The following SRGAP2B variants were observed in gnomAD, a reference collection of about 807,000 sequenced individuals.
SRGAP2B encodes SLIT-ROBO Rho GTPase-activating protein 2B.
SRGAP2B carries 9 observed loss-of-function variants against 22.2 expected under a neutral mutation model. The ratio of observed to expected loss-of-function variants is 0.41; its 90% confidence interval spans 0.24 to 0.71. The LOEUF (loss-of-function observed/expected upper bound fraction) is 0.71. Ranked by LOEUF, SRGAP2B falls within the 30% of genes least tolerant of loss-of-function variation. The pLI is 0.35. For missense variants in SRGAP2B, 114 were observed against 235.8 expected (o/e 0.48, Z 3.38); for synonymous variants, 36 against 87.4 (o/e 0.41, Z 3.28).
At chr1:144,905,715 C>A (rs1456124865) in intron 6 of SRGAP2B, 144 bp downstream of exon 6, 3 of 649,470 alleles carry the variant, frequency 4.6e-6, no homozygotes, top group Non-Finnish European at 8.3e-6. Flanking sequence ...GGGCACAGAG[C>A]AAGGCCTCAT....
intron 5 of SRGAP2B, among the ~76,000 whole-genome samples, chr1:144,914,106 G>A (rs1663634430): frequency 6.6e-6 from 1 of 151,190 alleles, no homozygotes; most frequent in Admixed American, 6.6e-5. Context: ...AGAACAGATT[G>A]TGTTCTCTTC....
At chr1:145,044,650 TAAAAAAAAAAAAAAAAAAAAAAAAAA>T (rs1184404731) in intron 2 of SRGAP2B, among the ~76,000 whole-genome samples, 820 of 30,320 alleles carry the variant, frequency 0.027, 1 homozygote, top group African/African-American at 0.039. Context: ...AACCCCCTCC[TAAAAAAAAAAAAAAAAAAAAAAAAAA>T]AAAAAAAAAA....
chr1:145,023,530 CAACACGACTAAATTTGG>C (rs1553624474), intron 2 of SRGAP2B, among the ~76,000 whole-genome samples: 2 of 135,676 alleles, frequency 1.5e-5, no homozygotes, highest in African/African-American at 5.3e-5. Flanking sequence ...GTCTGATTTC[CAACACGACTAAATTTGG>C]AACAATGGAA....
At chr1:144,970,090 G>C (rs587736148) in intron 3 of SRGAP2B, among the ~76,000 whole-genome samples, 1 of 148,116 alleles carries the variant, frequency 6.8e-6, no homozygotes, top group Admixed American at 6.7e-5. Context: ...TCAGTGTGGC[G>C]ATTCCTCAGG....
chr1:144,998,481 A>G (rs1253233025), intron 2 of SRGAP2B, among the ~76,000 whole-genome samples: 4 of 144,786 alleles, frequency 2.8e-5, no homozygotes, highest in Non-Finnish European at 6.0e-5. Context: ...CTGTTAATAG[A>G]TACCACCTGC....
At chr1:144,988,733 A>G (rs1553616458) in intron 3 of SRGAP2B, among the ~76,000 whole-genome samples, 2 of 149,974 alleles carry the variant, frequency 1.3e-5, no homozygotes, top group Admixed American at 6.6e-5. Context: ...TTACCTCAGC[A>G]GTATGCCATC....
intron 3 of SRGAP2B, among the ~76,000 whole-genome samples, chr1:144,990,522 C>T (rs1490213290): frequency 7.7e-6 from 1 of 129,744 alleles, no homozygotes; most frequent in Non-Finnish European, 1.6e-5. Context: ...TCGGCACCTC[C>T]CCTGCCTGGG....
chr1:144,959,385 A>T (rs1207682275), intron 3 of SRGAP2B, among the ~76,000 whole-genome samples: 1 of 146,274 alleles, frequency 6.8e-6, no homozygotes, highest in Non-Finnish European at 1.5e-5. Context: ...TCAAGATTAC[A>T]ATAACTTATC....
chr1:145,073,611 CA>C (rs2102452826), intron 2 of SRGAP2B, among the ~76,000 whole-genome samples: 1 of 79,008 alleles, frequency 1.3e-5, no homozygotes, highest in South Asian at 5.0e-4. Context: ...TAGAGTTGGA[CA>C]GACCTGAGCT....
intron 2 of SRGAP2B, among the ~76,000 whole-genome samples, chr1:145,030,244 AT>A (rs1553625743): frequency 6.7e-6 from 1 of 148,610 alleles, no homozygotes; most frequent in Non-Finnish European, 1.5e-5. Flanking sequence ...TTCTGCTCCC[AT>A]TTTTATTGGC....
chr1:145,061,592 T>C (rs1345633599), intron 2 of SRGAP2B, among the ~76,000 whole-genome samples: 4 of 150,124 alleles, frequency 2.7e-5, no homozygotes, highest in African/African-American at 7.5e-5. Flanking sequence ...CATTCACTTT[T>C]TTTTCCCCCC....
intron 3 of SRGAP2B, among the ~76,000 whole-genome samples, chr1:144,991,360 T>G (rs1670207288): frequency 1.4e-4 from 20 of 145,726 alleles, no homozygotes; most frequent in East Asian, 6.1e-4. Flanking sequence ...GCTCAAGGTT[T>G]GTAAGTGCAC....
At chr1:144,944,435 A>C (rs1553608022) in intron 4 of SRGAP2B, among the ~76,000 whole-genome samples, 1 of 149,442 alleles carries the variant, frequency 6.7e-6, no homozygotes, top group African/African-American at 2.5e-5. Flanking sequence ...ATCTCTAAAA[A>C]AATTAGCCAA....
At chr1:144,960,130 C>T (rs1273485581) in intron 3 of SRGAP2B, among the ~76,000 whole-genome samples, 1 of 101,910 alleles carries the variant, frequency 9.8e-6, no homozygotes, top group African/African-American at 4.3e-5. Flanking sequence ...TTTGTTTGCA[C>T]AGTCTCTTTA....
intron 5 of SRGAP2B, among the ~76,000 whole-genome samples, chr1:144,912,158 T>C (rs1296610694): frequency 6.9e-6 from 1 of 144,264 alleles, no homozygotes; most frequent in South Asian, 2.2e-4. Flanking sequence ...TTCACCGTGT[T>C]AGCCAGGATG....
chr1:144,998,983 A>G (rs1296301109), intron 2 of SRGAP2B, among the ~76,000 whole-genome samples: 28 of 150,956 alleles, frequency 1.9e-4, no homozygotes, highest in Non-Finnish European at 3.5e-4. Context: ...ATCCTGGCCT[A>G]TCAACAAACA....
rs761441685 is a variant in SRGAP2B at position 144,966,756 on chromosome 1, CAG to C, written c.261-11157_261-11156del. On this transcript the variant is annotated intron_variant, in intron 3 of 9. Transcript: ENST00000612199. ...GTATTCAAGAAACCCTTCTCACGTG[CAG>C]AGACACACATAGGCTGAAAATAAAA... Among the ~76,000 whole-genome samples the C allele has an allele frequency of 1.8e-3, 270 of 148,052 alleles. 9 individuals carry two copies. Among genetic ancestry groups the C allele is most frequent in the Middle Eastern group, 3.4e-3 (1 of 290 alleles).
chr1:145,088,637 TA>T (rs1475060686), intron 2 of SRGAP2B, among the ~76,000 whole-genome samples: 3 of 130,858 alleles, frequency 2.3e-5, no homozygotes, highest in Non-Finnish European at 3.3e-5. Context: ...GGGCCTTAAA[TA>T]AGGAAAGAAC....
intron 2 of SRGAP2B, among the ~76,000 whole-genome samples, chr1:145,068,930 TGTGTG>T (rs1651822674): frequency 6.7e-6 from 1 of 148,752 alleles, no homozygotes; most frequent in South Asian, 2.2e-4. Context: ...TGTGTGTGTG[TGTGTG>T]TGTGTGTGTG....
Sources: gnomAD v4.1 joint callset for allele counts (sites outside exome capture counted in the v4.1 genomes callset) on GRCh38, gnomAD v4.1.1 for gene constraint, MANE v1.5 for transcripts, NCBI Gene and HGNC (gene_info 2026-07-23, HGNC 2026-07-21) for gene names.